Variants in INPP5A observed in about 807,000 individuals in gnomAD.
INPP5A encodes the protein 43 kDa inositol polyphosphate 5-phophatase.
Under a neutral mutation model 65.2 loss-of-function variants are expected in INPP5A, and 14 were observed. That is an observed-to-expected ratio of 0.21 (90% CI 0.14 to 0.34). The LOEUF (loss-of-function observed/expected upper bound fraction) is 0.34. Among genes scored for constraint, INPP5A ranks in the 10% least tolerant of loss-of-function variants. The pLI, the probability that INPP5A is intolerant of heterozygous loss-of-function variation, is 1.00. For synonymous variants in INPP5A, 207 were observed against 208.3 expected (o/e 0.99, Z 0.05); for missense variants, 431 against 545.6 (o/e 0.79, Z 2.09).
chr10:132,568,281 G>C (rs2071296550), intron 1 of INPP5A, among the ~76,000 whole-genome samples: 1 of 151,920 alleles, frequency 6.6e-6, no homozygotes, highest in Non-Finnish European at 1.5e-5. Context: ...CCGGCTAAGG[G>C]TTCCTATGTG....
chr10:132,702,991 G>A (rs937023953), intron 6 of INPP5A, among the ~76,000 whole-genome samples: 10 of 151,686 alleles, frequency 6.6e-5, no homozygotes, highest in African/African-American at 2.4e-4. Flanking sequence ...TGCTGGTTAG[G>A]AGCGGCCTCC....
intron 1 of INPP5A, among the ~76,000 whole-genome samples, chr10:132,583,626 C>T (rs2071513194): frequency 1.3e-5 from 2 of 152,248 alleles, no homozygotes; most frequent in East Asian, 1.9e-4. Flanking sequence ...TTTTCGCCGT[C>T]GAGGAATGTC....
rs1846270400 is a variant in INPP5A, at chr10:132,741,567, C to A, written c.733-7950C>A. 6.6e-6 allele frequency among the ~76,000 whole-genome samples: 1 copy of A among 152,222 alleles called. No individual in the cohort carries two copies. Among genetic ancestry groups the A allele is most frequent in the Non-Finnish European group, 1.5e-5 (1 of 68,036 alleles). ...CCCTCGTCACACCCAGAAGAGGATGCCCCAGAATGAAGGTGGAGGCTGCTG... is the reference window on the plus strand; with the variant it reads ...CCCTCGTCACACCCAGAAGAGGATGACCCAGAATGAAGGTGGAGGCTGCTG... On this transcript the variant is annotated intron_variant, in intron 9 of 15. Coordinates refer to ENST00000368594, the MANE Select transcript of INPP5A (RefSeq NM_005539.5). The surrounding 1 kb of genome is among the most constrained non-coding windows in gnomAD (Gnocchi z 4.4).
chr10:132,764,038 C>T (rs1846785806), intron 11 of INPP5A, among the ~76,000 whole-genome samples: 1 of 152,238 alleles, frequency 6.6e-6, no homozygotes, highest in Non-Finnish European at 1.5e-5. Flanking sequence ...GCTGTGGGTG[C>T]TGGAGGGAGG....
At chr10:132,728,798 G>A (rs1011045777) in intron 9 of INPP5A, among the ~76,000 whole-genome samples, 14 of 152,234 alleles carry the variant, frequency 9.2e-5, no homozygotes, top group African/African-American at 3.4e-4. Flanking sequence ...GGTCAGAGCC[G>A]TGGTGAGGCA....
intron 4 of INPP5A, among the ~76,000 whole-genome samples, chr10:132,652,983 G>A (rs933531363): frequency 3.3e-5 from 5 of 152,196 alleles, no homozygotes; most frequent in Admixed American, 6.5e-5. Context: ...CCCTCCTGCT[G>A]GCCGATGTGC....
At chr10:132,732,555 C>T (rs1846105105) in intron 9 of INPP5A, among the ~76,000 whole-genome samples, 1 of 152,220 alleles carries the variant, frequency 6.6e-6, no homozygotes, top group Non-Finnish European at 1.5e-5. Context: ...TGTCAAATTC[C>T]ACAGCTCACT....
chr10:132,637,010 C>T lies in INPP5A; in HGVS notation c.118-8858C>T, dbSNP rs996186006. Reference sequence around the variant, plus strand: ...TCAGCTCACTGAAACTTCCGCCTCCCGGGTTCAAGCGATTCTCCTGCCTCA... The same window carrying T: ...TCAGCTCACTGAAACTTCCGCCTCCTGGGTTCAAGCGATTCTCCTGCCTCA... On this transcript the variant is annotated intron_variant, in intron 2 of 15. Coordinates refer to ENST00000368594, the MANE Select transcript of INPP5A (RefSeq NM_005539.5). This position sits in a 1 kb window ranked among gnomAD's most constrained non-coding sequence, Gnocchi z 4.1. Among the ~76,000 whole-genome samples, 15 of 152,274 alleles carry T rather than the reference C, an allele frequency of 9.9e-5. No individual in the cohort carries two copies. The highest frequency in any genetic ancestry group is 6.2e-4 in the South Asian group (3 of 4,812).
intron 11 of INPP5A, among the ~76,000 whole-genome samples, chr10:132,754,848 T>G (rs1047017669): frequency 1.3e-5 from 2 of 152,238 alleles, no homozygotes; most frequent in African/African-American, 4.8e-5. Context: ...GTTGTTCCTA[T>G]TGGAGTGTGT....
chr10:132,688,325 C>T (rs1045887465), intron 4 of INPP5A, among the ~76,000 whole-genome samples: 1 of 152,202 alleles, frequency 6.6e-6, no homozygotes, highest in Non-Finnish European at 1.5e-5. Flanking sequence ...CACCTTCTTG[C>T]AGCCCTGCCC....
At chr10:132,747,517 T>TTCCTC (rs1211740816) in intron 9 of INPP5A, among the ~76,000 whole-genome samples, 1 of 151,786 alleles carries the variant, frequency 6.6e-6, no homozygotes, top group African/African-American at 2.4e-5. Context: ...GGCTCCAGAG[T>TTCCTC]TCCTCTCAGT....
At chr10:132,670,158 G>A (rs918224555) in intron 4 of INPP5A, among the ~76,000 whole-genome samples, 2 of 114,766 alleles carry the variant, frequency 1.7e-5, no homozygotes, top group Admixed American at 9.7e-5. Context: ...CTCTGACTGC[G>A]CACTCCCAGA....
At chr10:132,686,527 A>C (rs2073115442) in intron 4 of INPP5A, among the ~76,000 whole-genome samples, 2 of 152,214 alleles carry the variant, frequency 1.3e-5, no homozygotes, top group Admixed American at 6.5e-5. Flanking sequence ...TGTCTGTGAT[A>C]AATGGGTGCC....
At chr10:132,602,370 A>C (rs892052633) in intron 1 of INPP5A, among the ~76,000 whole-genome samples, 1 of 152,276 alleles carries the variant, frequency 6.6e-6, no homozygotes, top group African/African-American at 2.4e-5. Flanking sequence ...GTCTCGGCTC[A>C]CTGCAACCTC....
intron 1 of INPP5A, among the ~76,000 whole-genome samples, chr10:132,554,813 G>C (rs1021828764): frequency 6.6e-6 from 1 of 151,614 alleles, no homozygotes; most frequent in African/African-American, 2.4e-5. Flanking sequence ...AGTATGGGTG[G>C]CGTGGTATTG....
rs1002071584 is a variant in INPP5A at position 132,782,812 on chromosome 10, G to A, written c.*783G>A. 93 of 152,374 alleles carry A rather than the reference G, an allele frequency of 6.1e-4. No homozygotes were observed. The highest frequency in any genetic ancestry group is 9.6e-5 in the African/African-American group (4 of 41,526). The allele number at this position is 152,374 out of a possible 1,614,324, so 9.4% of individuals were successfully genotyped here. A position where few individuals can be genotyped will look rare whatever the true frequency, so the allele number is the denominator to read the frequency against. Reference sequence around the variant, plus strand: ...GTGGGTAAAATCGGCCCCACAGCACGTCTGCACCAGCGGGCCGTTACTCCC... The same window carrying A: ...GTGGGTAAAATCGGCCCCACAGCACATCTGCACCAGCGGGCCGTTACTCCC... On this transcript the variant is annotated 3_prime_UTR_variant, in exon 16 of 16. Transcript: ENST00000368594. This position sits in a 1 kb window ranked among gnomAD's most constrained non-coding sequence, Gnocchi z 4.4.
At chr10:132,539,280 T>A (rs958445342) in intron 1 of INPP5A, among the ~76,000 whole-genome samples, 15 of 152,160 alleles carry the variant, frequency 9.9e-5, no homozygotes, top group African/African-American at 3.4e-4. Context: ...GAGGGTAGGG[T>A]GCCCCCATTT....
intron 12 of INPP5A, among the ~76,000 whole-genome samples, chr10:132,775,675 C>T (rs1847052596): frequency 6.6e-6 from 1 of 152,186 alleles, no homozygotes; most frequent in South Asian, 2.1e-4. Flanking sequence ...CCAGGGAAGC[C>T]CTTCCTGGAG....
chr10:132,557,554 C>T (rs1311066101), intron 1 of INPP5A, among the ~76,000 whole-genome samples: 1 of 152,244 alleles, frequency 6.6e-6, no homozygotes, highest in African/African-American at 2.4e-5. Flanking sequence ...TCAATTTTTT[C>T]TTCTTGCCTC....
Sources: gnomAD v4.1 joint callset for allele counts (sites outside exome capture counted in the v4.1 genomes callset) on GRCh38, gnomAD v4.1.1 for gene constraint, Gnocchi (gnomAD v3.1) non-coding constraint, MANE v1.5 for transcripts, NCBI Gene and HGNC (gene_info 2026-07-23, HGNC 2026-07-21) for gene names.